The following UBXN8 variants were observed in gnomAD, a reference collection of about 807,000 sequenced individuals.
The protein encoded by UBXN8 is UBX domain-containing protein 8.
A neutral mutation model predicts 32.1 loss-of-function variants in UBXN8; 27 were observed. The observed-to-expected ratio is 0.84, with a 90% CI of 0.62 to 1.16. UBXN8 has a LOEUF of 1.16. Ranked by LOEUF, UBXN8 falls within the 50% of genes most tolerant of loss-of-function variation. UBXN8 has a pLI of 0.00. For missense variants in UBXN8, 306 were observed against 311.4 expected, an observed-to-expected ratio of 0.98 and a Z score of 0.13; for synonymous variants, 109 against 111.8, an observed-to-expected ratio of 0.98 and a Z score of 0.16.
At position 30,753,073 on chromosome 8, in the gene UBXN8, A is replaced by G; in HGVS notation, c.250A>G (p.Arg84Gly). 1 of 1,531,950 alleles carries G rather than the reference A, an allele frequency of 6.5e-7. No homozygotes were observed. The highest frequency in any genetic ancestry group is 8.8e-7 in the Non-Finnish European group (1 of 1,140,442). 94.9% of individuals were successfully genotyped at this position (1,531,950 alleles called of 1,614,324 possible). ...EKNEKRQKLV[R>G]KKQQEAQGEK... ...GAATGAGAAAAGACAAAAACTTGTG[A>G]GAAAAAAACAACAAGAAGCACAAGG... Residue 84 changes from arginine (R) to glycine (G), a missense_variant, in exon 3 of 8, where the codon AGA (arginine) becomes GGA (glycine). Physicochemically the swap from Arg to Gly is moderately radical, Grantham distance 125. Transcript: ENST00000265616.
intron 1 of UBXN8, among the ~76,000 whole-genome samples, chr8:30,747,294 A>G (rs1191349194): frequency 2.3e-5 from 3 of 128,516 alleles, no homozygotes; most frequent in Non-Finnish European, 3.2e-5. Flanking sequence ...CATAAATCCC[A>G]CACCTCAGTG....
intron 1 of UBXN8, among the ~76,000 whole-genome samples, chr8:30,749,555 G>C (rs937953476): frequency 6.6e-6 from 1 of 151,170 alleles, no homozygotes; most frequent in African/African-American, 2.4e-5. Context: ...AGAATTTGGT[G>C]TTTCAGTGAG....
At chr8:30,756,223 C>T (rs6994893) in intron 4 of UBXN8, 6,678 of 153,946 alleles carry the variant, frequency 0.043, 401 homozygotes, top group African/African-American at 0.14. Context: ...TTACTGCAAC[C>T]TCCGCCTCCT....
chr8:30,744,164 C>CGCCTGCACCAGGCGCT lies in UBXN8; in HGVS notation c.-25_-10dup. On this transcript the variant is annotated 5_prime_UTR_variant, in exon 1 of 8. Coordinates refer to ENST00000265616, the MANE Select transcript of UBXN8 (RefSeq NM_005671.4). ...ACGCGGCCGGAAGGGGCGGGCTTTC[C>CGCCTGCACCAGGCGCT]GCCTGCACCAGGCGCTTCCGCCACC... 6.2e-7 allele frequency: 1 copy of CGCCTGCACCAGGCGCT among 1,606,174 alleles called. No individual in the cohort carries two copies. The highest frequency in any genetic ancestry group is 8.5e-7 in the Non-Finnish European group (1 of 1,176,234).
rs186655442 is a variant in UBXN8 at position 30,735,074 on chromosome 8, C to G, written c.622+1766C>G. Among the ~76,000 whole-genome samples the G allele has an allele frequency of 2.6e-5, 4 of 152,266 alleles. No individual in the cohort carries two copies. The East Asian group carries it at 7.7e-4, about 29-fold the overall frequency. ...CTAAGACCTTTATATGTTATCTTCCCTCAACCCAAGAAATAAATACTGTAC... is the reference window on the plus strand; with the variant it reads ...CTAAGACCTTTATATGTTATCTTCCGTCAACCCAAGAAATAAATACTGTAC... On this transcript the variant is annotated intron_variant, in intron 1 of 1. Coordinates refer to the UBXN8 transcript ENST00000522968.
upstream of UBXN8, among the ~76,000 whole-genome samples, chr8:30,742,583 C>G (rs957369946): frequency 6.6e-6 from 1 of 152,106 alleles, no homozygotes; most frequent in Non-Finnish European, 1.5e-5. Flanking sequence ...CTGAAGCAAT[C>G]TGCCTCCTTC....
At chr8:30,741,700 T>C (rs1805204963), upstream of UBXN8, among the ~76,000 whole-genome samples, 1 of 152,090 alleles carries the variant, frequency 6.6e-6, no homozygotes, top group African/African-American at 2.4e-5. Flanking sequence ...TCCACCCACC[T>C]CGGCTTCCCA....
At chr8:30,765,155 C>A (rs1202153949) in intron 7 of UBXN8, among the ~76,000 whole-genome samples, 1 of 152,130 alleles carries the variant, frequency 6.6e-6, no homozygotes, top group African/African-American at 2.4e-5. Flanking sequence ...TCAAATGATT[C>A]TCCTGCCTCA....
intron 1 of UBXN8, among the ~76,000 whole-genome samples, chr8:30,748,077 T>A (rs1276638598): frequency 6.7e-6 from 1 of 150,154 alleles, no homozygotes; most frequent in African/African-American, 2.5e-5. Flanking sequence ...TTTTCTACTG[T>A]GTAAAAACCT....
At chr8:30,742,220 C>T (rs980730216), upstream of UBXN8, among the ~76,000 whole-genome samples, 3 of 152,218 alleles carry the variant, frequency 2.0e-5, no homozygotes, top group South Asian at 2.1e-4. Context: ...TTTATATTAC[C>T]TCACCCTTAC....
intron 1 of UBXN8, among the ~76,000 whole-genome samples, chr8:30,749,177 T>C (rs2128753805): frequency 6.6e-6 from 1 of 152,146 alleles, no homozygotes; most frequent in South Asian, 2.1e-4. Flanking sequence ...GCGGATCACC[T>C]GAGGTCAGGA....
Position 30,734,633 on chromosome 8 carries a change from A to T in UBXN8, c.622+1325A>T, listed in dbSNP as rs548038704. Among the ~76,000 whole-genome samples the T allele has an allele frequency of 6.1e-4, 93 of 151,804 alleles. 1 individual carries two copies. Among genetic ancestry groups the T allele is most frequent in the African/African-American group, 9.2e-4 (38 of 41,352 alleles). On this transcript the variant is annotated intron_variant, in intron 1 of 1. Transcript: ENST00000522968. ...AGACACTATCTCTTAAAAAAAAAAA[A>T]AATTTCTTTCAAACACTAGAGGATG...
chr8:30,741,803 A>C (rs1161925707), upstream of UBXN8, among the ~76,000 whole-genome samples: 1 of 152,142 alleles, frequency 6.6e-6, no homozygotes, highest in East Asian at 1.9e-4. Flanking sequence ...CTGACAGGTT[A>C]TTCTGGTGGT....
At chr8:30,743,265 C>T (rs1805256792), upstream of UBXN8, among the ~76,000 whole-genome samples, 1 of 151,336 alleles carries the variant, frequency 6.6e-6, no homozygotes, top group Admixed American at 6.6e-5. Context: ...AAGCAATTCT[C>T]CTGCCTCAGC....
At chr8:30,761,377 T>G (rs543565222) in intron 6 of UBXN8, among the ~76,000 whole-genome samples, 9 of 152,254 alleles carry the variant, frequency 5.9e-5, no homozygotes, top group African/African-American at 2.2e-4. Flanking sequence ...CCCAAGTAGC[T>G]GGGATTACAG....
upstream of UBXN8, among the ~76,000 whole-genome samples, chr8:30,741,856 AAAC>A (rs1287396865): frequency 6.6e-6 from 1 of 152,234 alleles, no homozygotes; most frequent in Non-Finnish European, 1.5e-5. Context: ...GAGAGTTCAC[AAAC>A]AACAAAGTTT....
At chr8:30,732,247 GA>G (rs1804976233), upstream of UBXN8, 1 of 393,996 alleles carries the variant, frequency 2.5e-6, no homozygotes, top group African/African-American at 2.1e-5. Flanking sequence ...GTACGTTGAT[GA>G]CCTTTTGCTG....
At chr8:30,740,991 G>A (rs1425554917), upstream of UBXN8, among the ~76,000 whole-genome samples, 1 of 152,122 alleles carries the variant, frequency 6.6e-6, no homozygotes, top group Non-Finnish European at 1.5e-5. Flanking sequence ...AAAAAAGAGG[G>A]AAAATCTAAC....
upstream of UBXN8, among the ~76,000 whole-genome samples, chr8:30,740,591 G>A (rs939106614): frequency 6.6e-6 from 1 of 150,452 alleles, no homozygotes; most frequent in African/African-American, 2.4e-5. Flanking sequence ...CAGTCATGGT[G>A]GCATGTGTTT....
Sources: allele counts gnomAD v4.1 joint callset (sites outside exome capture counted in the v4.1 genomes callset), GRCh38; gene constraint gnomAD v4.1.1; transcripts MANE v1.5; gene names NCBI Gene and HGNC (gene_info 2026-07-23, HGNC 2026-07-21).